The following PTPRT variants were observed in gnomAD, a reference collection of about 807,000 sequenced individuals.
PTPRT encodes the protein receptor-type tyrosine-protein phosphatase T.
Under a neutral mutation model 176.8 loss-of-function variants are expected in PTPRT, and 56 were observed. The ratio of observed to expected loss-of-function variants is 0.32; its 90% CI spans 0.26 to 0.40. PTPRT has a LOEUF of 0.40. Among genes scored for constraint, PTPRT ranks in the 10% least tolerant of loss-of-function variants. The pLI is 1.00. For missense variants in PTPRT, 1,540 were observed against 1,908.2 expected (o/e 0.81, Z 3.60); for synonymous variants, 783 against 739.0 (o/e 1.06, Z -0.96).
At chr20:42,486,508 C>T (rs1419727172) in intron 7 of PTPRT, among the ~76,000 whole-genome samples, 1 of 152,172 alleles carries the variant, frequency 6.6e-6, no homozygotes, top group African/African-American at 2.4e-5. Flanking sequence ...TTCCTGGCCC[C>T]AGATTTATAT....
chr20:43,042,470 G>A (rs968531215), intron 1 of PTPRT, among the ~76,000 whole-genome samples: 3 of 152,058 alleles, frequency 2.0e-5, no homozygotes, highest in South Asian at 4.2e-4. Flanking sequence ...AGCAGATCCC[G>A]GCTGCAGGAG....
At chr20:43,027,727 A>G (rs1285030402) in intron 1 of PTPRT, among the ~76,000 whole-genome samples, 1 of 152,172 alleles carries the variant, frequency 6.6e-6, no homozygotes, top group Non-Finnish European at 1.5e-5. Context: ...GTTGTTTAGG[A>G]CACTCAGGGT....
intron 1 of PTPRT, among the ~76,000 whole-genome samples, chr20:42,914,746 T>C (rs1978622566): frequency 6.6e-6 from 1 of 152,098 alleles, no homozygotes; most frequent in African/African-American, 2.4e-5. Context: ...AAAAAACACA[T>C]TATCAATACA....
intron 15 of PTPRT, among the ~76,000 whole-genome samples, chr20:42,207,127 C>T (rs1466615790): frequency 2.9e-5 from 4 of 139,424 alleles, no homozygotes; most frequent in Non-Finnish European, 5.9e-5. Flanking sequence ...ACATCCACAC[C>T]GAAAACCCAT....
intron 1 of PTPRT, among the ~76,000 whole-genome samples, chr20:42,925,074 TGA>T (rs1979396189): frequency 1.3e-5 from 2 of 152,194 alleles, no homozygotes; most frequent in Non-Finnish European, 2.9e-5. Context: ...CCACAAATGA[TGA>T]GAATCAACTC....
At chr20:43,092,020 C>T (rs762854488) in intron 1 of PTPRT, among the ~76,000 whole-genome samples, 4 of 152,196 alleles carry the variant, frequency 2.6e-5, no homozygotes, top group Non-Finnish European at 4.4e-5. Context: ...GGATGGGGTA[C>T]GGTTCTCACT....
At chr20:43,144,008 G>A (rs1032802848) in intron 1 of PTPRT, among the ~76,000 whole-genome samples, 2 of 152,134 alleles carry the variant, frequency 1.3e-5, no homozygotes, top group Non-Finnish European at 2.9e-5. Context: ...TTTGGGTTCT[G>A]GTTCTTCCAT....
Position 42,885,896 on chromosome 20 carries a change from C to T in PTPRT, c.125G>A (p.Gly42Asp). 6.2e-7 allele frequency: 1 copy of T among 1,610,698 alleles called. No individual in the cohort carries two copies. Among genetic ancestry groups the T allele is most frequent in the African/African-American group, 1.3e-5 (1 of 74,888 alleles). ...ATTGGTCCCTAGAGCCACACTATAA[C>T]CACAGTTGCTGTAGTGCTCATCAAA... ...CSFDEHYSNC[G>D]YSVALGTNGF... The change falls in exon 2 of 31, where the codon GGT becomes GAT. Residue 42 changes from glycine (G) to aspartate (D), a missense_variant. By Grantham distance (94) the Gly-to-Asp change is moderately conservative. This residue lies in a region of PTPRT where 116 missense variants were observed against 118.5 expected (regional missense o/e 0.98). Transcript: ENST00000373187.
chr20:42,975,326 G>T (rs906711179), intron 1 of PTPRT, among the ~76,000 whole-genome samples: 4 of 152,030 alleles, frequency 2.6e-5, no homozygotes, highest in Non-Finnish European at 4.4e-5. Context: ...AATATTTACA[G>T]CATGATTTCA....
chr20:43,092,338 C>G (rs536667253), intron 1 of PTPRT, among the ~76,000 whole-genome samples: 2 of 152,326 alleles, frequency 1.3e-5, no homozygotes, highest in African/African-American at 4.8e-5. Flanking sequence ...CTGGCATTTC[C>G]AGATGTCCAT....
chr20:42,552,109 C>A (rs2072781643), intron 7 of PTPRT, among the ~76,000 whole-genome samples: 1 of 152,146 alleles, frequency 6.6e-6, no homozygotes. Context: ...GGGAAACCTA[C>A]AACAGCATAA....
chr20:43,060,667 T>C (rs1484883415), intron 1 of PTPRT, among the ~76,000 whole-genome samples: 6 of 152,226 alleles, frequency 3.9e-5, no homozygotes, highest in African/African-American at 1.2e-4. Flanking sequence ...ATGTGGCTAC[T>C]AGCACAGTGC....
intron 1 of PTPRT, among the ~76,000 whole-genome samples, chr20:43,060,878 G>A (rs6016943): frequency 0.01 from 1,572 of 152,290 alleles, 19 homozygotes; most frequent in African/African-American, 0.035. Context: ...GGGGTGACAG[G>A]TTGTGTATTT....
chr20:42,225,913 A>G (rs1223092178), intron 15 of PTPRT, among the ~76,000 whole-genome samples: 2 of 152,200 alleles, frequency 1.3e-5, no homozygotes, highest in African/African-American at 4.8e-5. Context: ...CTGGCCTGCC[A>G]AAGTGCTGGG....
intron 3 of PTPRT, among the ~76,000 whole-genome samples, chr20:42,782,732 T>A (rs2077232772): frequency 6.6e-6 from 1 of 152,078 alleles, no homozygotes; most frequent in Non-Finnish European, 1.5e-5. Context: ...AAGAAAGACA[T>A]AATAAAGAAA....
intron 9 of PTPRT, among the ~76,000 whole-genome samples, chr20:42,353,224 TTA>T (rs1296499390): frequency 2.0e-5 from 3 of 152,126 alleles, no homozygotes; most frequent in African/African-American, 7.2e-5. Flanking sequence ...TGAGAATTAT[TTA>T]TAAGTCTTGT....
chr20:42,588,123 A>C (rs1392294874), intron 7 of PTPRT, among the ~76,000 whole-genome samples: 2 of 152,144 alleles, frequency 1.3e-5, no homozygotes, highest in Non-Finnish European at 1.5e-5. Flanking sequence ...GCCACCAACC[A>C]TATGGGGCTA....
chr20:42,458,465 T>C (rs1398398129), intron 8 of PTPRT, among the ~76,000 whole-genome samples: 1 of 152,146 alleles, frequency 6.6e-6, no homozygotes, highest in Non-Finnish European at 1.5e-5. Flanking sequence ...ACCTACTACA[T>C]AGGTTGTCCT....
In PTPRT at chr20:42,788,895, G is replaced by C. The variant is rs61434729; in HGVS notation, c.486+2300C>G. Among the ~76,000 whole-genome samples the C allele has an allele frequency of 2.6e-3, 389 of 152,310 alleles. 1 individual carries two copies. Among genetic ancestry groups the C allele is most frequent in the African/African-American group, 7.7e-3 (318 of 41,568 alleles). Reference sequence around the variant, plus strand: ...CTACTAGGGGAAATTGTGGAGCCAAGTGGTTAAGAATTATGATCTGTACTA... The same window carrying C: ...CTACTAGGGGAAATTGTGGAGCCAACTGGTTAAGAATTATGATCTGTACTA... On this transcript the variant is annotated intron_variant, in intron 3 of 30. Transcript: ENST00000373187.
Sources: allele counts gnomAD v4.1 joint callset (sites outside exome capture counted in the v4.1 genomes callset), GRCh38; gene constraint gnomAD v4.1.1; regional missense constraint gnomAD v4.1.1; transcripts MANE v1.5; gene names NCBI Gene and HGNC (gene_info 2026-07-23, HGNC 2026-07-21).